Variants in PHLDB1 observed in about 807,000 individuals in gnomAD.
PHLDB1 encodes the protein pleckstrin homology like domain family B member 1.
PHLDB1 carries 65 observed loss-of-function variants against 139.3 expected under a neutral mutation model. The observed-to-expected ratio is 0.47, with a 90% confidence interval of 0.38 to 0.57. The LOEUF (loss-of-function observed/expected upper bound fraction) is 0.57, where lower values mean the gene tolerates loss of function less well. PHLDB1 is among the 20% of genes least tolerant of loss of function. The pLI is 0.00. For synonymous variants in PHLDB1, 679 were observed against 734.5 expected (o/e 0.92, Z 1.22); for missense variants, 1,624 against 1,839.7 (o/e 0.88, Z 2.14).
chr11:118,656,674 C>G lies in PHLDB1; in HGVS notation c.3994-9C>G. On this transcript the variant is annotated splice_polypyrimidine_tract_variant and intron_variant, in intron 22 of 22. Coordinates refer to ENST00000600882, the MANE Select transcript of PHLDB1 (RefSeq NM_001144758.3). ...CCCCATCTTAGACCTTCCTCTCTTC[C>G]TTTGGCAGAGCCCGAACCCAGCCCT... 6.2e-7 allele frequency: 1 copy of G among 1,612,628 alleles called. No homozygotes were observed. The highest frequency in any genetic ancestry group is 8.5e-7 in the Non-Finnish European group (1 of 1,179,016).
Position 118,614,750 on chromosome 11 carries a change from C to A in PHLDB1, c.184+68C>A, listed in dbSNP as rs138479087. On this transcript the variant is annotated intron_variant, in intron 3 of 22. Coordinates refer to ENST00000600882, the MANE Select transcript of PHLDB1 (RefSeq NM_001144758.3). ...TATAGGCATTCCTGCCCTGGAGGCC[C>A]ACCTCCTGCATGTGTTGGGGCCCTT... is the stretch of plus-strand genomic sequence containing the variant. The A allele has an allele frequency of 7.2e-5, 110 of 1,518,768 alleles. 1 individual carries two copies. In the East Asian group the frequency reaches 2.5e-3, roughly 35 times the overall value. 94.1% of individuals were successfully genotyped at this position (1,518,768 alleles called of 1,614,324 possible). A position where few individuals can be genotyped will look rare whatever the true frequency, so the allele number is the denominator to read the frequency against.
intron 4 of PHLDB1, among the ~76,000 whole-genome samples, chr11:118,619,642 C>T (rs1385317860): frequency 2.6e-5 from 4 of 152,136 alleles, no homozygotes; most frequent in South Asian, 2.1e-4. Flanking sequence ...GTTTCCAGAC[C>T]GATGAATCAC....
At chr11:118,618,607 G>A (rs1159171747) in intron 4 of PHLDB1, among the ~76,000 whole-genome samples, 1 of 152,024 alleles carries the variant, frequency 6.6e-6, no homozygotes, top group African/African-American at 2.4e-5. Flanking sequence ...ACTCAGGACT[G>A]ATGGTACCAA....
chr11:118,610,797 C>G lies in PHLDB1; in HGVS notation c.-21-3019C>G, dbSNP rs1298399219. ...GTGTCCCGCGTGGCTGGGGTGTCGG[C>G]GCATTCCCGCGGGGGAGGAGGCCGA... On this transcript the variant is annotated intron_variant, in intron 1 of 22. Transcript: ENST00000600882. The surrounding 1 kb of genome is among the most constrained non-coding windows in gnomAD (Gnocchi z 8.7). Among the ~76,000 whole-genome samples, 1 of 152,112 alleles carries G rather than the reference C, an allele frequency of 6.6e-6. No individual in the cohort carries two copies. Among genetic ancestry groups the G allele is most frequent in the African/African-American group, 2.4e-5 (1 of 41,438 alleles).
At chr11:118,641,581 TA>T (rs1301265864) in intron 12 of PHLDB1, 1 of 1,243,190 alleles carries the variant, frequency 8.0e-7, no homozygotes, top group East Asian at 5.7e-5. Flanking sequence ...ATTAACCTCT[TA>T]TATTCCCTCC....
rs781884929 is a variant in PHLDB1, at chr11:118,655,568, T to G, written c.3875-37T>G. On this transcript the variant is annotated intron_variant, in intron 20 of 22. Coordinates refer to ENST00000600882, the MANE Select transcript of PHLDB1 (RefSeq NM_001144758.3). ...CGTAAATGGAGCTAGACCTGAAGTG[T>G]GACCGGCTCCATAGCCCACCCTTAC... is the stretch of plus-strand genomic sequence containing the variant. The G allele has an allele frequency of 4.5e-6, 6 of 1,346,318 alleles. 1 individual carries two copies. The South Asian group carries it at 5.9e-5, about 13-fold the overall frequency. 83.4% of individuals were successfully genotyped at this position (1,346,318 alleles called of 1,614,324 possible).
chr11:118,656,732 A>G lies in PHLDB1; in HGVS notation c.4043A>G (p.Tyr1348Cys). Residue 1348 changes from tyrosine to cysteine, a missense_variant, in exon 23 of 23, where the codon TAC becomes TGC. By Grantham distance (194) the Tyr-to-Cys change is radical (BLOSUM62 -2). Coordinates refer to ENST00000600882, the MANE Select transcript of PHLDB1 (RefSeq NM_001144758.3). The stretch of plus-strand genomic sequence containing the variant: ...TGCGTAAAGACCCATGACCGGCTGT[A>G]CTACATGGTGGCCCCATCTGCAGAG... ...TFCVKTHDRL[Y>C]YMVAPSAEAM... 1 of 1,614,016 alleles carries G rather than the reference A, an allele frequency of 6.2e-7. No homozygotes were observed. Among genetic ancestry groups the G allele is most frequent in the Non-Finnish European group, 8.5e-7 (1 of 1,179,886 alleles).
Position 118,610,971 on chromosome 11 carries a change from C to G in PHLDB1, c.-21-2845C>G, listed in dbSNP as rs1207984970. ...TGTACCCAGCGTGCGGGAGGGCACC[C>G]AGGGCCGGACGCGCACCGCAGGGGT... On this transcript the variant is annotated intron_variant, in intron 1 of 22. Coordinates refer to ENST00000600882, the MANE Select transcript of PHLDB1 (RefSeq NM_001144758.3). The surrounding 1 kb of genome is among the most constrained non-coding windows in gnomAD (Gnocchi z 8.7). Among the ~76,000 whole-genome samples the G allele has an allele frequency of 6.6e-6, 1 of 152,098 alleles. No individual in the cohort carries two copies.
chr11:118,626,675 G>A (rs542195617), intron 5 of PHLDB1, among the ~76,000 whole-genome samples: 2 of 151,896 alleles, frequency 1.3e-5, no homozygotes, highest in African/African-American at 2.4e-5. Flanking sequence ...GAGCCACCAC[G>A]CCTGGCCTCT....
intron 18 of PHLDB1, 139 bp downstream of exon 18, chr11:118,648,215 G>T (rs1947825618): frequency 1.1e-6 from 1 of 874,024 alleles, no homozygotes; most frequent in South Asian, 1.7e-5. Flanking sequence ...AATACTAGCA[G>T]AATTCTACCT....
intron 3 of PHLDB1, 48 bp downstream of exon 3, chr11:118,614,730 GC>G (rs782412085): frequency 3.1e-6 from 5 of 1,593,882 alleles, no homozygotes; most frequent in Non-Finnish European, 4.3e-6. Context: ...ATCCTTATAG[GC>G]ATTCCTGCCC....
In PHLDB1 at chr11:118,610,989, G is replaced by A. The variant is rs1329983635; in HGVS notation, c.-21-2827G>A. 6.6e-6 allele frequency among the ~76,000 whole-genome samples: 1 copy of A among 152,118 alleles called. No homozygotes were observed. The highest frequency in any genetic ancestry group is 1.5e-5 in the Non-Finnish European group (1 of 67,996). ...GGGCACCCAGGGCCGGACGCGCACC[G>A]CAGGGGTCTTTTTTTGGCCGCGGGG... On this transcript the variant is annotated intron_variant, in intron 1 of 22. Transcript: ENST00000600882. The surrounding 1 kb of genome is among the most constrained non-coding windows in gnomAD (Gnocchi z 8.7).
At chr11:118,638,435 A>G (rs1164222679) in intron 10 of PHLDB1, among the ~76,000 whole-genome samples, 1 of 152,254 alleles carries the variant, frequency 6.6e-6, no homozygotes. Flanking sequence ...ATAAGCAAAC[A>G]AACCTCAAAG....
rs782019198 is a variant in PHLDB1, at chr11:118,644,074, C to A, written c.3021C>A (p.Ser1007Arg). The A allele has an allele frequency of 6.2e-7, 1 of 1,613,528 alleles. No homozygotes were observed. The highest frequency in any genetic ancestry group is 8.5e-7 in the Non-Finnish European group (1 of 1,179,610). The change falls in exon 15 of 23, where the codon AGC becomes AGA. Residue 1007 changes from serine to arginine, a missense_variant and splice_region_variant. Ser to Arg is a moderately radical substitution (Grantham distance 110). Coordinates refer to ENST00000600882, the MANE Select transcript of PHLDB1 (RefSeq NM_001144758.3). ...ATLGRSPSPK[S>R]ALLTQNGTGS... ...CCGAACTCTCCATTCCTCTGCAGAG[C>A]GCTCTACTCACCCAGAATGGCACGG...
At chr11:118,656,640 A>C in intron 22 of PHLDB1, 43 bp from the exon 23 acceptor site, 1 of 1,594,870 alleles carries the variant, frequency 6.3e-7, no homozygotes, top group East Asian at 2.2e-5. Context: ...ATTCCTGGGC[A>C]TGGGTGAGCC....
At chr11:118,636,133 A>G (rs1406355233) in intron 10 of PHLDB1, among the ~76,000 whole-genome samples, 2 of 152,098 alleles carry the variant, frequency 1.3e-5, no homozygotes, top group Non-Finnish European at 2.9e-5. Flanking sequence ...GTGACTGTGT[A>G]TGTTTGGGGA....
intron 6 of PHLDB1, among the ~76,000 whole-genome samples, chr11:118,630,610 G>A (rs1944640611): frequency 6.6e-6 from 1 of 152,172 alleles, no homozygotes; most frequent in African/African-American, 2.4e-5. Flanking sequence ...GCTAGACTGT[G>A]TTTATCTGTG....
intron 12 of PHLDB1, chr11:118,641,774 C>T (rs918292393): frequency 2.4e-5 from 31 of 1,289,254 alleles, no homozygotes; most frequent in Admixed American, 4.6e-5. Context: ...TCCATCACGC[C>T]TTCACCTAAG....
At position 118,632,247 on chromosome 11, in the gene PHLDB1, A is replaced by G. The variant is rs562882526; in HGVS notation, c.2330A>G (p.Gln777Arg). 5.8e-5 allele frequency: 94 copies of G among 1,613,790 alleles called. No homozygotes were observed. The South Asian group carries it at 9.7e-4, about 17-fold the overall frequency. Residue 777 changes from glutamine to arginine, a missense_variant, in exon 9 of 23, where the codon CAG (glutamine) becomes CGG (arginine). By Grantham distance (43) the Gln-to-Arg change is conservative. Transcript: ENST00000600882. The surrounding 1 kb of genome is among the most constrained non-coding windows in gnomAD (Gnocchi z 5.9). Reference protein sequence around the residue: ...QKEQKAVDQLQEKLVALETGI... With the variant: ...QKEQKAVDQLREKLVALETGI... ...GAGCAGAAGGCAGTGGATCAGCTGC[A>G]GGAGAAGCTGGTGGCCTTGGAGACA...
Sources: gnomAD v4.1 joint callset for allele counts (sites outside exome capture counted in the v4.1 genomes callset) on GRCh38, gnomAD v4.1.1 for gene constraint, Gnocchi (gnomAD v3.1) non-coding constraint, MANE v1.5 for transcripts, NCBI Gene and HGNC (gene_info 2026-07-23, HGNC 2026-07-21) for gene names.